The following TRAPPC9 variants were observed in gnomAD, a reference collection of about 807,000 sequenced individuals.
TRAPPC9 encodes trafficking protein particle complex subunit 9.
TRAPPC9 carries 83 observed loss-of-function variants against 124.0 expected under a neutral mutation model. The observed-to-expected ratio is 0.67, with a 90% CI of 0.56 to 0.80. The LOEUF is 0.80. TRAPPC9 is among the 30% of genes least tolerant of loss of function. TRAPPC9 has a pLI of 0.00. For missense variants in TRAPPC9, 1,302 were observed against 1,508.3 expected (o/e 0.86, Z 2.27); for synonymous variants, 638 against 617.5 (o/e 1.03, Z -0.49).
chr8:140,227,967 C>T (rs1418593166), intron 16 of TRAPPC9, among the ~76,000 whole-genome samples: 2 of 152,240 alleles, frequency 1.3e-5, no homozygotes, highest in Admixed American at 6.5e-5. Context: ...TCAGTCCCCA[C>T]ACTGAGCTTC....
chr8:140,165,932 C>T (rs999614642), intron 17 of TRAPPC9, among the ~76,000 whole-genome samples: 12 of 152,270 alleles, frequency 7.9e-5, no homozygotes, highest in African/African-American at 2.6e-4. Flanking sequence ...TCTCTGCTCA[C>T]GCTGCTGCCT....
At chr8:140,446,978 G>A (rs749464286) in intron 2 of TRAPPC9, among the ~76,000 whole-genome samples, 1 of 152,172 alleles carries the variant, frequency 6.6e-6, no homozygotes, top group South Asian at 2.1e-4. Context: ...GCACACTCCA[G>A]CTCCAGCATT....
At chr8:140,432,916 C>G (rs1211626965) in intron 4 of TRAPPC9, among the ~76,000 whole-genome samples, 2 of 151,458 alleles carry the variant, frequency 1.3e-5, no homozygotes, top group Non-Finnish European at 2.9e-5. Flanking sequence ...CAGTAAATAG[C>G]CTAAGTGTCT....
chr8:140,442,371 G>A (rs1011344481), intron 2 of TRAPPC9, among the ~76,000 whole-genome samples: 50 of 151,090 alleles, frequency 3.3e-4, no homozygotes, highest in African/African-American at 9.2e-4. Flanking sequence ...AGGCCGAGGC[G>A]GGTGGATCAC....
At chr8:139,892,029 G>C (rs1028060023) in intron 20 of TRAPPC9, among the ~76,000 whole-genome samples, 1 of 152,080 alleles carries the variant, frequency 6.6e-6, no homozygotes, top group African/African-American at 2.4e-5. Flanking sequence ...ACCAGGCCCC[G>C]AATGTCATGT....
At chr8:139,824,602 C>T (rs1563841855) in intron 21 of TRAPPC9, among the ~76,000 whole-genome samples, 1 of 151,920 alleles carries the variant, frequency 6.6e-6, no homozygotes, top group Non-Finnish European at 1.5e-5. Context: ...GCTCTTTCAC[C>T]CAGGCTGGAG....
At chr8:140,186,193 C>T (rs906454999) in intron 17 of TRAPPC9, among the ~76,000 whole-genome samples, 1 of 152,200 alleles carries the variant, frequency 6.6e-6, no homozygotes, top group Non-Finnish European at 1.5e-5. Context: ...TAAAGAACCC[C>T]ATTAAAGAAT....
chr8:139,929,495 G>A (rs1381530969), intron 19 of TRAPPC9, among the ~76,000 whole-genome samples: 1 of 152,002 alleles, frequency 6.6e-6, no homozygotes, highest in Non-Finnish European at 1.5e-5. Flanking sequence ...CAGCACTTTG[G>A]AAGGCCGAGG....
intron 18 of TRAPPC9, among the ~76,000 whole-genome samples, chr8:140,016,409 G>A (rs1305112366): frequency 6.6e-6 from 1 of 152,218 alleles, no homozygotes; most frequent in Non-Finnish European, 1.5e-5. Flanking sequence ...AGGCAAACCA[G>A]ACAGTTGCTA....
At chr8:140,339,840 T>C (rs898308194) in intron 9 of TRAPPC9, among the ~76,000 whole-genome samples, 1 of 152,180 alleles carries the variant, frequency 6.6e-6, no homozygotes, top group Non-Finnish European at 1.5e-5. Flanking sequence ...AACATACCAC[T>C]GAGATAAACT....
intron 17 of TRAPPC9, among the ~76,000 whole-genome samples, chr8:140,173,668 T>C (rs1160124283): frequency 6.6e-6 from 1 of 152,086 alleles, no homozygotes; most frequent in Non-Finnish European, 1.5e-5. Flanking sequence ...ATACCTCCAG[T>C]AGGGGACTCG....
Position 140,241,839 on chromosome 8 carries a change from C to T in TRAPPC9, c.2431+10938G>A, listed in dbSNP as rs578044085. Among the ~76,000 whole-genome samples, 16 of 152,220 alleles carry T rather than the reference C, an allele frequency of 1.1e-4. No individual in the cohort carries two copies. The highest frequency in any genetic ancestry group is 1.9e-4 in the Non-Finnish European group (13 of 68,040). On this transcript the variant is annotated intron_variant, in intron 16 of 22. Coordinates refer to ENST00000438773, the MANE Select transcript of TRAPPC9 (RefSeq NM_001160372.4). The surrounding 1 kb of genome is among the most constrained non-coding windows in gnomAD (Gnocchi z 5.0). Reference sequence around the variant, plus strand: ...TCGGCAGCCTTCGCAGCGTGCCTTCCGTCCCTCACTTGCTTAACGTATGCC... The same window carrying T: ...TCGGCAGCCTTCGCAGCGTGCCTTCTGTCCCTCACTTGCTTAACGTATGCC...
intron 17 of TRAPPC9, among the ~76,000 whole-genome samples, chr8:140,128,601 G>A (rs2061140716): frequency 2.0e-5 from 3 of 152,362 alleles, no homozygotes; most frequent in Non-Finnish European, 4.4e-5. Flanking sequence ...TACCCACTGT[G>A]CTCCTTGTAC....
intron 21 of TRAPPC9, among the ~76,000 whole-genome samples, chr8:139,846,659 T>A (rs1433845557): frequency 6.6e-6 from 1 of 152,246 alleles, no homozygotes; most frequent in African/African-American, 2.4e-5. Flanking sequence ...AACACGATGC[T>A]AGCCGCATTG....
At chr8:140,431,451 AAAAAAT>A (rs2070643961) in intron 4 of TRAPPC9, among the ~76,000 whole-genome samples, 3 of 152,090 alleles carry the variant, frequency 2.0e-5, no homozygotes, top group Admixed American at 6.6e-5. Flanking sequence ...GTCTCAAAAA[AAAAAAT>A]AAAAATAAAA....
chr8:139,747,016 G>C (rs1245981354), intron 21 of TRAPPC9, among the ~76,000 whole-genome samples: 1 of 152,214 alleles, frequency 6.6e-6, no homozygotes, highest in Non-Finnish European at 1.5e-5. Context: ...GAAAAAAATG[G>C]AAAATATGCC....
At chr8:140,129,447 C>G (rs79176617) in intron 17 of TRAPPC9, among the ~76,000 whole-genome samples, 4,247 of 152,180 alleles carry the variant, frequency 0.028, 191 homozygotes, top group African/African-American at 0.096. Context: ...GGAGAAGAAG[C>G]GATCCCAGGG....
chr8:140,397,455 A>T (rs1435629252), intron 7 of TRAPPC9, among the ~76,000 whole-genome samples, 165 bp downstream of exon 7: 1 of 152,256 alleles, frequency 6.6e-6, no homozygotes, highest in Non-Finnish European at 1.5e-5. Context: ...CAATGAAAGA[A>T]GTAAAATATA....
At chr8:139,795,769 G>A (rs1823014286) in intron 21 of TRAPPC9, among the ~76,000 whole-genome samples, 1 of 152,112 alleles carries the variant, frequency 6.6e-6, no homozygotes. Flanking sequence ...TGAGGGGTGG[G>A]AGGCGGACCT....
Sources: allele counts gnomAD v4.1 joint callset (sites outside exome capture counted in the v4.1 genomes callset), GRCh38; gene constraint gnomAD v4.1.1; non-coding constraint Gnocchi (gnomAD v3.1); transcripts MANE v1.5; gene names NCBI Gene and HGNC (gene_info 2026-07-23, HGNC 2026-07-21).